Variants in SLC35F1 observed in about 807,000 individuals in gnomAD.
SLC35F1 encodes the protein chromosome 6 open reading frame 169.
In SLC35F1, 14 loss-of-function variants were observed where a neutral mutation model predicts 48.7. The ratio of observed to expected loss-of-function variants is 0.29; its 90% CI spans 0.19 to 0.45. The LOEUF is 0.45. SLC35F1 is among the 20% of genes least tolerant of loss of function. SLC35F1 has a pLI of 1.00. For missense variants in SLC35F1, 404 were observed against 500.0 expected (o/e 0.81, Z 1.83); for synonymous variants, 190 against 202.2 (o/e 0.94, Z 0.51).
At chr6:117,924,980 AC>A (rs1159909684) in intron 1 of SLC35F1, among the ~76,000 whole-genome samples, 7 of 152,196 alleles carry the variant, frequency 4.6e-5, no homozygotes, top group African/African-American at 1.7e-4. Flanking sequence ...AAGAAATTCA[AC>A]TACACATTCA....
chr6:118,124,309 A>C (rs1773593253), intron 1 of SLC35F1, among the ~76,000 whole-genome samples: 1 of 152,190 alleles, frequency 6.6e-6, no homozygotes, highest in Non-Finnish European at 1.5e-5. Flanking sequence ...ATCTTAAATT[A>C]GTCTATAATT....
chr6:117,943,742 T>C (rs375279530), intron 1 of SLC35F1, among the ~76,000 whole-genome samples: 1 of 152,198 alleles, frequency 6.6e-6, no homozygotes. Flanking sequence ...TATTTGTAGG[T>C]CTGAAAATGT....
rs568225011 is a variant in SLC35F1, at chr6:118,191,909, C to A, written c.349+37289C>A. Among the ~76,000 whole-genome samples, 4 of 152,138 alleles carry A rather than the reference C, an allele frequency of 2.6e-5. No homozygotes were observed. In the East Asian group the frequency reaches 7.7e-4, roughly 29 times the overall value. On this transcript the variant is annotated intron_variant, in intron 2 of 7. Transcript: ENST00000360388. The stretch of plus-strand genomic sequence containing the variant: ...TTCCAAGAATATGGGTTTGACAAAC[C>A]AAATATTGGTTATAAGCTATTTTAG...
chr6:118,014,345 C>A (rs1232095604), intron 1 of SLC35F1, among the ~76,000 whole-genome samples: 1 of 152,088 alleles, frequency 6.6e-6, no homozygotes, highest in African/African-American at 2.4e-5. Flanking sequence ...AGTAATTCTT[C>A]ATGATAATTA....
chr6:117,933,404 T>G (rs1467519054), intron 1 of SLC35F1, among the ~76,000 whole-genome samples: 1 of 152,172 alleles, frequency 6.6e-6, no homozygotes, highest in Non-Finnish European at 1.5e-5. Context: ...TTTTAAGCAT[T>G]TTTATAAAGA....
chr6:118,272,076 A>G (rs1248340213), intron 4 of SLC35F1, among the ~76,000 whole-genome samples: 1 of 152,244 alleles, frequency 6.6e-6, no homozygotes, highest in African/African-American at 2.4e-5. Context: ...CATAGGATGT[A>G]TTAAGACTTG....
chr6:118,279,658 A>C (rs191564012), intron 6 of SLC35F1, among the ~76,000 whole-genome samples: 8 of 152,310 alleles, frequency 5.3e-5, no homozygotes, highest in Non-Finnish European at 1.2e-4. Flanking sequence ...ACTGCAATTC[A>C]TGGGTCACAG....
intron 3 of SLC35F1, among the ~76,000 whole-genome samples, chr6:118,241,019 C>G (rs1207856454): frequency 2.0e-5 from 3 of 152,092 alleles, no homozygotes; most frequent in East Asian, 1.9e-4. Flanking sequence ...TTTCAAAGAC[C>G]ATTGTGGCTG....
chr6:117,923,714 T>TGTACATATATGTATAC (rs1172751293), intron 1 of SLC35F1, among the ~76,000 whole-genome samples: 1 of 115,078 alleles, frequency 8.7e-6, no homozygotes, highest in Non-Finnish European at 1.7e-5. Context: ...TATGTACATA[T>TGTACATATATGTATAC]ATACATATAT....
chr6:118,153,644 A>G (rs1774096161), intron 1 of SLC35F1, among the ~76,000 whole-genome samples: 2 of 152,186 alleles, frequency 1.3e-5, no homozygotes, highest in African/African-American at 4.8e-5. Flanking sequence ...ATGCAAAATT[A>G]ACGCCTTGAC....
chr6:118,206,979 A>C (rs897197699), intron 2 of SLC35F1, among the ~76,000 whole-genome samples: 23 of 152,238 alleles, frequency 1.5e-4, no homozygotes, highest in Admixed American at 1.2e-3. Flanking sequence ...GAAGTGATTA[A>C]TTTAACAAAT....
At chr6:118,222,845 A>C (rs1487715827) in intron 2 of SLC35F1, among the ~76,000 whole-genome samples, 1 of 152,210 alleles carries the variant, frequency 6.6e-6, no homozygotes, top group African/African-American at 2.4e-5. Flanking sequence ...CCACCCTAGT[A>C]GTCTTTGAGT....
chr6:117,970,687 G>A (rs1160218129), intron 1 of SLC35F1, among the ~76,000 whole-genome samples: 3 of 152,200 alleles, frequency 2.0e-5, no homozygotes, highest in African/African-American at 7.2e-5. Flanking sequence ...AAAGGAGAAG[G>A]AGGAGCAAAG....
intron 1 of SLC35F1, among the ~76,000 whole-genome samples, chr6:118,013,680 G>A (rs1777281620): frequency 6.6e-6 from 1 of 152,150 alleles, no homozygotes; most frequent in South Asian, 2.1e-4. Flanking sequence ...TTTGATTCAT[G>A]TGATGTCTTA....
intron 1 of SLC35F1, among the ~76,000 whole-genome samples, chr6:118,114,665 C>T (rs1211591621): frequency 2.0e-5 from 3 of 152,114 alleles, no homozygotes; most frequent in Non-Finnish European, 4.4e-5. Flanking sequence ...CGTGAGCTAC[C>T]GCGCCTGGCC....
chr6:118,220,016 C>A (rs995318741), intron 2 of SLC35F1, among the ~76,000 whole-genome samples: 1 of 151,256 alleles, frequency 6.6e-6, no homozygotes, highest in Non-Finnish European at 1.5e-5. Context: ...TGGGGCCTGT[C>A]GTGGGGTTGG....
intron 1 of SLC35F1, chr6:117,999,220 G>A: frequency 6.3e-7 from 1 of 1,596,320 alleles, no homozygotes; most frequent in South Asian, 1.1e-5. Context: ...AGGAGGTTAA[G>A]CCCAAGATCC....
chr6:118,045,774 T>C (rs1158959400), intron 1 of SLC35F1, among the ~76,000 whole-genome samples: 1 of 152,158 alleles, frequency 6.6e-6, no homozygotes, highest in Non-Finnish European at 1.5e-5. Flanking sequence ...TTATAGTGAG[T>C]CTTATTGCGG....
chr6:118,081,300 G>A (rs1428006157), intron 1 of SLC35F1, among the ~76,000 whole-genome samples: 1 of 152,080 alleles, frequency 6.6e-6, no homozygotes, highest in Non-Finnish European at 1.5e-5. Context: ...TTAAATAGCT[G>A]TGAATCCTTA....
Sources: allele counts gnomAD v4.1 joint callset (sites outside exome capture counted in the v4.1 genomes callset), GRCh38; gene constraint gnomAD v4.1.1; transcripts MANE v1.5; gene names NCBI Gene and HGNC (gene_info 2026-07-23, HGNC 2026-07-21).